SEMA3A: variants seen among roughly 807,000 people sequenced by gnomAD.
SEMA3A encodes the protein semaphorin-3A.
In SEMA3A, 29 loss-of-function variants were observed where a neutral mutation model predicts 97.9. The observed-to-expected ratio is 0.30, with a 90% CI of 0.22 to 0.40. The LOEUF is 0.40. Among genes scored for constraint, SEMA3A ranks in the 10% least tolerant of loss-of-function variants. The pLI, the probability that SEMA3A is intolerant of heterozygous loss-of-function variation, is 1.00. For synonymous variants in SEMA3A, 321 were observed against 323.7 expected (o/e 0.99, Z 0.09); for missense variants, 763 against 951.3 (o/e 0.80, Z 2.60).
upstream of SEMA3A, among the ~76,000 whole-genome samples, chr7:84,199,877 A>G (rs963028670): frequency 6.6e-6 from 1 of 152,158 alleles, no homozygotes; most frequent in Admixed American, 6.6e-5. Flanking sequence ...TGTTGCTGGA[A>G]ACCGGGGGTG....
At chr7:84,435,131 G>A (rs1805091817) in intron 1 of SEMA3A, among the ~76,000 whole-genome samples, 1 of 152,100 alleles carries the variant, frequency 6.6e-6, no homozygotes, top group South Asian at 2.1e-4. Flanking sequence ...AAAGGCTGGT[G>A]ACTAATAAAC....
chr7:84,486,983 C>A (rs1409935989), intron 1 of SEMA3A, among the ~76,000 whole-genome samples: 1 of 151,952 alleles, frequency 6.6e-6, no homozygotes, highest in Non-Finnish European at 1.5e-5. Context: ...ATTTGAAATG[C>A]ACAATATTAA....
At chr7:84,305,393 T>C (rs187920083) in intron 3 of SEMA3A, among the ~76,000 whole-genome samples, 1 of 152,110 alleles carries the variant, frequency 6.6e-6, no homozygotes, top group African/African-American at 2.4e-5. Context: ...GTTCCACAAA[T>C]AGTTCAATTA....
intron 2 of SEMA3A, among the ~76,000 whole-genome samples, chr7:84,309,254 G>C (rs1801254223): frequency 6.6e-6 from 1 of 152,162 alleles, no homozygotes; most frequent in South Asian, 2.1e-4. Flanking sequence ...TAGTGAAAGA[G>C]TATCCAGAGA....
intron 3 of SEMA3A, among the ~76,000 whole-genome samples, chr7:84,266,850 T>A (rs1800018536): frequency 1.3e-5 from 2 of 152,180 alleles, no homozygotes; most frequent in Admixed American, 1.3e-4. Flanking sequence ...GGTGTGTCTA[T>A]CAAATTATAG....
At chr7:84,040,385 A>G (rs1224624953) in intron 6 of SEMA3A, among the ~76,000 whole-genome samples, 1 of 152,008 alleles carries the variant, frequency 6.6e-6, no homozygotes, top group Non-Finnish European at 1.5e-5. Context: ...GCTTCTCAGA[A>G]TAGAATTTGT....
chr7:84,092,090 G>A (rs547797934), intron 4 of SEMA3A, among the ~76,000 whole-genome samples: 3 of 152,206 alleles, frequency 2.0e-5, no homozygotes, highest in Middle Eastern at 3.4e-3. Flanking sequence ...AAATGAATAC[G>A]TGCTGTTCAC....
intron 1 of SEMA3A, among the ~76,000 whole-genome samples, chr7:84,424,280 A>C (rs1161377806): frequency 1.4e-5 from 2 of 146,446 alleles, no homozygotes; most frequent in African/African-American, 5.0e-5. Context: ...AGAAAATGTT[A>C]AATATATATA....
intron 3 of SEMA3A, among the ~76,000 whole-genome samples, chr7:84,303,194 A>G (rs1801065934): frequency 6.6e-6 from 1 of 152,064 alleles, no homozygotes; most frequent in Admixed American, 6.6e-5. Flanking sequence ...GGCAAAACCA[A>G]GCCTCTAAGC....
chr7:84,035,024 ATAAC>A (rs1405011529), intron 6 of SEMA3A, among the ~76,000 whole-genome samples: 4 of 152,126 alleles, frequency 2.6e-5, no homozygotes, highest in African/African-American at 9.6e-5. Flanking sequence ...TTCCCATAAA[ATAAC>A]TATCAGAAAA....
intron 3 of SEMA3A, among the ~76,000 whole-genome samples, chr7:84,122,543 A>G (rs553330308): frequency 3.0e-4 from 46 of 152,174 alleles, no homozygotes; most frequent in Non-Finnish European, 6.2e-4. Flanking sequence ...TTTGAAATGT[A>G]ATGTAATTTT....
At chr7:83,974,744 T>G (rs10265360) in intron 15 of SEMA3A, among the ~76,000 whole-genome samples, 2 of 151,690 alleles carry the variant, frequency 1.3e-5, no homozygotes, top group Admixed American at 1.3e-4. Context: ...TTAGTGTAAT[T>G]TATGGTGTAT....
intron 3 of SEMA3A, chr7:84,306,450 T>C (rs1318448520): frequency 1.3e-5 from 2 of 152,146 alleles, no homozygotes; most frequent in Admixed American, 1.3e-4. Flanking sequence ...TATTTTCTCT[T>C]AACAGTCCCA....
chr7:84,197,808 C>G (rs1409460700), upstream of SEMA3A, among the ~76,000 whole-genome samples: 1 of 140,778 alleles, frequency 7.1e-6, no homozygotes. Flanking sequence ...GGCGCGATCT[C>G]GGCTTACTGC....
intron 15 of SEMA3A, among the ~76,000 whole-genome samples, chr7:83,968,804 C>CTTTTTTT (rs34837012): frequency 2.3e-5 from 2 of 86,966 alleles, no homozygotes; most frequent in Non-Finnish European, 2.1e-5. Context: ...CTTTTCTTTC[C>CTTTTTTT]TTTTTTTTTT....
chr7:84,454,456 C>T (rs527380705), intron 1 of SEMA3A, among the ~76,000 whole-genome samples: 2 of 152,214 alleles, frequency 1.3e-5, no homozygotes, highest in East Asian at 3.9e-4. Context: ...TTATTTGACA[C>T]TGGCAAGTCT....
chr7:84,079,616 T>C (rs1420405129), intron 4 of SEMA3A, among the ~76,000 whole-genome samples: 1 of 150,104 alleles, frequency 6.7e-6, no homozygotes, highest in Admixed American at 6.7e-5. Flanking sequence ...TCATCATCAC[T>C]GGCCATCAGA....
intron 6 of SEMA3A, among the ~76,000 whole-genome samples, chr7:84,029,187 T>G (rs1026130092): frequency 3.3e-5 from 5 of 152,352 alleles, no homozygotes; most frequent in Admixed American, 3.3e-4. Flanking sequence ...TTGATAATTA[T>G]TATCTACTAA....
intron 3 of SEMA3A, among the ~76,000 whole-genome samples, chr7:84,282,692 CA>C (rs1800470764): frequency 6.6e-6 from 1 of 151,940 alleles, no homozygotes; most frequent in Admixed American, 6.6e-5. Flanking sequence ...AAAACCCCAC[CA>C]AAACTAAACA....
Sources: allele counts gnomAD v4.1 joint callset (sites outside exome capture counted in the v4.1 genomes callset), GRCh38; gene constraint gnomAD v4.1.1; transcripts MANE v1.5; gene names NCBI Gene and HGNC (gene_info 2026-07-23, HGNC 2026-07-21).